The following RBFOX1 variants were observed in gnomAD, a reference collection of about 807,000 sequenced individuals.
RBFOX1 encodes the protein RNA binding protein fox-1 homolog 1.
RBFOX1 carries 8 observed loss-of-function variants against 57.7 expected under a neutral mutation model. The observed-to-expected ratio is 0.14, with a 90% CI of 0.08 to 0.25. The LOEUF (loss-of-function observed/expected upper bound fraction) is 0.25. Ranked by LOEUF, RBFOX1 falls within the 10% of genes least tolerant of loss-of-function variation. RBFOX1 has a pLI of 1.00. For missense variants in RBFOX1, 611 were observed against 548.5 expected (o/e 1.11, Z -1.14); for synonymous variants, 326 against 222.4 (o/e 1.47, Z -4.15).
At chr16:7,204,972 G>T (rs1343307722) in intron 4 of RBFOX1, among the ~76,000 whole-genome samples, 1 of 152,162 alleles carries the variant, frequency 6.6e-6, no homozygotes, top group African/African-American at 2.4e-5. Flanking sequence ...TTGTCCCAAA[G>T]AATATTGTGA....
chr16:7,504,328 A>G (rs142055708), intron 4 of RBFOX1, among the ~76,000 whole-genome samples: 1 of 152,156 alleles, frequency 6.6e-6, no homozygotes, highest in African/African-American at 2.4e-5. Context: ...TGTTATTATC[A>G]AGAATGTTAT....
chr16:5,985,971 A>G (rs2060277875), intron 4 of RBFOX1, among the ~76,000 whole-genome samples: 1 of 152,150 alleles, frequency 6.6e-6, no homozygotes, highest in Admixed American at 6.5e-5. Context: ...CCCGTATACC[A>G]TCTAGAGAGA....
At chr16:6,767,868 C>T (rs143111813) in intron 3 of RBFOX1, among the ~76,000 whole-genome samples, 2,766 of 150,132 alleles carry the variant, frequency 0.018, 59 homozygotes, top group African/African-American at 0.055. Flanking sequence ...GAGCCGAGAT[C>T]GCGCCATTGC....
Position 6,019,388 on chromosome 16 carries a change from C to G in RBFOX1, c.-731C>G. On this transcript the variant is annotated 5_prime_UTR_variant, in exon 1 of 16. Transcript: ENST00000550418. The surrounding 1 kb of genome is among the most constrained non-coding windows in gnomAD (Gnocchi z 4.2). ...CTGGCTGCGCTGCCCTGAAGTGGTT[C>G]TCCAAGCAGCGCGGAGGGTGGCGGA... is the stretch of plus-strand genomic sequence containing the variant. 19 of 985,940 alleles carry G rather than the reference C, an allele frequency of 1.9e-5. No homozygotes were observed. Among genetic ancestry groups the G allele is most frequent in the Non-Finnish European group, 2.3e-5 (19 of 830,422 alleles). The allele number at this position is 985,940 out of a possible 1,614,324, so 61.1% of individuals were successfully genotyped here.
intron 2 of RBFOX1, among the ~76,000 whole-genome samples, chr16:6,334,462 C>G (rs147250038): frequency 0.093 from 13,314 of 142,988 alleles, 794 homozygotes; most frequent in Middle Eastern, 0.2. Flanking sequence ...GAGCCGAGAT[C>G]ATGCCACTGC....
intron 4 of RBFOX1, among the ~76,000 whole-genome samples, chr16:7,077,158 T>C (rs886600027): frequency 6.6e-6 from 1 of 152,200 alleles, no homozygotes; most frequent in African/African-American, 2.4e-5. Flanking sequence ...GGGGGAATTA[T>C]TCCTCTGAAT....
rs2096693078 is a variant in RBFOX1 at position 7,331,417 on chromosome 16, AT to A, written c.28-186729del. Among the ~76,000 whole-genome samples, 3 of 152,244 alleles carry A rather than the reference AT, an allele frequency of 2.0e-5. No individual in the cohort carries two copies. The South Asian group carries it at 6.2e-4, about 32-fold the overall frequency. On this transcript the variant is annotated intron_variant, in intron 4 of 15. Transcript: ENST00000550418. ...AGTGGATTCACTTCATCAGAACTTC[AT>A]ATTATTGCTTTCAAAATTGTGGAAC...
intron 2 of RBFOX1, among the ~76,000 whole-genome samples, chr16:6,608,950 C>G (rs1044953167): frequency 6.6e-6 from 1 of 152,128 alleles, no homozygotes; most frequent in African/African-American, 2.4e-5. Flanking sequence ...CCTTGGGTCA[C>G]AGCCTTTTCC....
At chr16:5,571,894 C>G (rs1200353200) in intron 2 of RBFOX1, among the ~76,000 whole-genome samples, 1 of 152,210 alleles carries the variant, frequency 6.6e-6, no homozygotes, top group Non-Finnish European at 1.5e-5. Context: ...TCCGTAGCAC[C>G]AAAGTGCTGG....
rs189660241 is a variant in RBFOX1 at position 6,915,267 on chromosome 16, C to G, written c.-15-136790C>G. Among the ~76,000 whole-genome samples, 126 of 152,206 alleles carry G rather than the reference C, an allele frequency of 8.3e-4. 1 individual carries two copies. Among genetic ancestry groups the G allele is most frequent in the African/African-American group, 2.9e-3 (122 of 41,538 alleles). On this transcript the variant is annotated intron_variant, in intron 3 of 15. Transcript: ENST00000550418. ...TCCTCAGCATTTCTACTAATTCCCT[C>G]CAAGAAGGGCCTGGGATTGTTTCCA...
chr16:5,855,660 T>C (rs1299976302), intron 3 of RBFOX1, among the ~76,000 whole-genome samples: 1 of 152,192 alleles, frequency 6.6e-6, no homozygotes, highest in Admixed American at 6.5e-5. Context: ...ACATATGTGA[T>C]GCCTTCAACT....
chr16:5,745,598 G>A (rs1297538602), intron 3 of RBFOX1, among the ~76,000 whole-genome samples: 2 of 152,196 alleles, frequency 1.3e-5, no homozygotes, highest in African/African-American at 2.4e-5. Context: ...ATCCTGTCCA[G>A]CACCTGTTGT....
intron 3 of RBFOX1, among the ~76,000 whole-genome samples, chr16:5,737,883 T>C (rs1208936763): frequency 6.6e-6 from 1 of 152,234 alleles, no homozygotes; most frequent in African/African-American, 2.4e-5. Flanking sequence ...ATACTTTAAG[T>C]TCTGAGACAC....
intron 4 of RBFOX1, among the ~76,000 whole-genome samples, chr16:7,157,189 T>C (rs943741155): frequency 1.3e-5 from 2 of 152,206 alleles, no homozygotes; most frequent in African/African-American, 4.8e-5. Context: ...AGCCTTAGAA[T>C]TGCAGGCTGG....
At chr16:5,824,835 A>T (rs141516921) in intron 3 of RBFOX1, among the ~76,000 whole-genome samples, 85 of 152,170 alleles carry the variant, frequency 5.6e-4, no homozygotes, top group African/African-American at 2.0e-3. Flanking sequence ...CCTACTTCCC[A>T]TCCCTGGTTC....
chr16:6,368,127 T>G (rs1014268999), intron 2 of RBFOX1, among the ~76,000 whole-genome samples: 1 of 152,218 alleles, frequency 6.6e-6, no homozygotes, highest in Non-Finnish European at 1.5e-5. Context: ...AAGCTTAAGT[T>G]TCACATTCAT....
intron 2 of RBFOX1, among the ~76,000 whole-genome samples, chr16:5,504,588 A>G (rs1339790262): frequency 6.6e-6 from 1 of 152,206 alleles, no homozygotes; most frequent in Non-Finnish European, 1.5e-5. Flanking sequence ...TTATCATCAA[A>G]GGGGAGGGCC....
At chr16:6,735,772 G>A (rs972060673) in intron 3 of RBFOX1, among the ~76,000 whole-genome samples, 2 of 152,280 alleles carry the variant, frequency 1.3e-5, no homozygotes, top group East Asian at 1.9e-4. Context: ...TGGCATGGGT[G>A]GTGATCTGTG....
intron 2 of RBFOX1, among the ~76,000 whole-genome samples, chr16:6,476,215 T>C (rs571591337): frequency 1.0e-3 from 157 of 152,260 alleles, no homozygotes; most frequent in African/African-American, 3.7e-3. Flanking sequence ...GCACCTATAA[T>C]CTCACTAGCA....
Sources: gnomAD v4.1 joint callset for allele counts (sites outside exome capture counted in the v4.1 genomes callset) on GRCh38, gnomAD v4.1.1 for gene constraint, Gnocchi (gnomAD v3.1) non-coding constraint, MANE v1.5 for transcripts, NCBI Gene and HGNC (gene_info 2026-07-23, HGNC 2026-07-21) for gene names.